MAST4: variants seen among roughly 807,000 people sequenced by gnomAD.
The protein encoded by MAST4 is microtubule-associated serine/threonine-protein kinase 4.
MAST4 carries 89 observed loss-of-function variants against 162.7 expected under a neutral mutation model. The observed-to-expected ratio is 0.55, with a 90% CI of 0.46 to 0.65. The LOEUF is 0.65. Ranked by LOEUF, MAST4 falls within the 30% of genes least tolerant of loss-of-function variation. The probability of loss-of-function intolerance (pLI) is 0.00; values close to 1 mark genes in which losing one functional copy is unlikely to be tolerated. For missense variants in MAST4, 3,153 were observed against 3,374.0 expected, an observed-to-expected ratio of 0.93 and a Z score of 1.62; for synonymous variants, 1,479 against 1,361.1, an observed-to-expected ratio of 1.09 and a Z score of -1.91.
At chr5:67,006,548 T>C (rs150961640) in intron 4 of MAST4, among the ~76,000 whole-genome samples, 18 of 152,322 alleles carry the variant, frequency 1.2e-4, no homozygotes, top group African/African-American at 4.3e-4. Flanking sequence ...TATTTCTGAG[T>C]TGTGTAGTCC....
chr5:66,700,335 TC>T (rs1749684888), intron 1 of MAST4, among the ~76,000 whole-genome samples: 1 of 152,246 alleles, frequency 6.6e-6, no homozygotes. Context: ...ATTTTTGTTC[TC>T]GCTCTTTTTT....
rs963972727 is a variant in MAST4 at position 66,650,109 on chromosome 5, C to A, written c.363+53091C>A. On this transcript the variant is annotated intron_variant, in intron 1 of 28. Transcript: ENST00000403625. ...TGAATAACACTGTCACCTAAGTCAG[C>A]CTATTCAATAAACATTTATTCTCAG... 2.0e-5 allele frequency among the ~76,000 whole-genome samples: 3 copies of A among 152,120 alleles called. No individual in the cohort carries two copies. In the South Asian group the frequency reaches 6.2e-4, roughly 31 times the overall value.
At position 67,164,868 on chromosome 5, in the gene MAST4, A is replaced by C; in HGVS notation, c.5689A>C (p.Lys1897Gln). 1.9e-6 allele frequency: 3 copies of C among 1,614,040 alleles called. No homozygotes were observed. Among genetic ancestry groups the C allele is most frequent in the African/African-American group, 1.3e-5 (1 of 75,058 alleles). The change falls in exon 29 of 29, where the codon AAG becomes CAG. Residue 1897 changes from lysine to glutamine, a missense_variant. This residue lies in a region of MAST4 where 1,644 missense variants were observed against 1,495.0 expected (regional missense o/e 1.10). Transcript: ENST00000403625. The surrounding 1 kb of genome is among the most constrained non-coding windows in gnomAD (Gnocchi z 5.3). ...AGTTTCCCTGCCTGACCCAGAGTTCAAGAGGGACAGGAAAGGTCCCCATCC... is the reference window on the plus strand; with the variant it reads ...AGTTTCCCTGCCTGACCCAGAGTTCCAGAGGGACAGGAAAGGTCCCCATCC... ...PAVSLPDPEF[K>Q]RDRKGPHPTA...
At chr5:67,031,856 C>A (rs1755372412) in intron 4 of MAST4, among the ~76,000 whole-genome samples, 1 of 152,088 alleles carries the variant, frequency 6.6e-6, no homozygotes, top group South Asian at 2.1e-4. Context: ...AGTTTTTATT[C>A]CACCTTCTTT....
At chr5:67,033,347 CTT>C (rs5868472) in intron 4 of MAST4, among the ~76,000 whole-genome samples, 20 of 112,142 alleles carry the variant, frequency 1.8e-4, no homozygotes, top group African/African-American at 6.4e-4. Flanking sequence ...GTGTGTGTGG[CTT>C]TTTTTTTTTC....
chr5:66,668,938 G>A (rs577546053), intron 1 of MAST4, among the ~76,000 whole-genome samples: 31 of 152,246 alleles, frequency 2.0e-4, no homozygotes, highest in South Asian at 4.2e-4. Context: ...GAGCTAGCGC[G>A]GGAGGAATCT....
chr5:67,139,316 G>A (rs891805730), intron 19 of MAST4, among the ~76,000 whole-genome samples: 3 of 152,248 alleles, frequency 2.0e-5, no homozygotes, highest in African/African-American at 7.2e-5. Context: ...GAGAGGCTGA[G>A]AAAAAGGGTG....
chr5:67,028,748 G>T (rs1754966363), intron 4 of MAST4, among the ~76,000 whole-genome samples: 1 of 152,124 alleles, frequency 6.6e-6, no homozygotes, highest in African/African-American at 2.4e-5. Flanking sequence ...GGATTCATTG[G>T]ACTGGAGCTT....
intron 4 of MAST4, among the ~76,000 whole-genome samples, chr5:66,980,979 AT>A (rs143660547): frequency 2.6e-5 from 4 of 151,574 alleles, no homozygotes; most frequent in Non-Finnish European, 4.4e-5. Flanking sequence ...TGATCAGGAC[AT>A]TTTTTTTTCT....
chr5:66,920,739 C>T (rs1764481260), intron 4 of MAST4, among the ~76,000 whole-genome samples: 1 of 152,152 alleles, frequency 6.6e-6, no homozygotes, highest in African/African-American at 2.4e-5. Context: ...GATCCGCCCA[C>T]CTCAGCCTCC....
chr5:66,848,109 T>C (rs1759020441), intron 3 of MAST4, among the ~76,000 whole-genome samples: 2 of 152,264 alleles, frequency 1.3e-5, no homozygotes, highest in East Asian at 1.9e-4. Flanking sequence ...TCCTACTCTT[T>C]TGGGGTTTTA....
intron 4 of MAST4, among the ~76,000 whole-genome samples, chr5:67,025,976 TTG>T (rs1754596116): frequency 6.6e-6 from 1 of 152,176 alleles, no homozygotes; most frequent in Non-Finnish European, 1.5e-5. Flanking sequence ...TGTATAAAGA[TTG>T]TGTACTGCAC....
intron 4 of MAST4, among the ~76,000 whole-genome samples, chr5:66,970,286 G>A (rs1359824074): frequency 2.0e-5 from 3 of 152,198 alleles, no homozygotes; most frequent in Admixed American, 6.5e-5. Context: ...AGGACAGGGT[G>A]GGGTAGGAGA....
At chr5:67,034,663 C>G (rs747923005) in intron 4 of MAST4, among the ~76,000 whole-genome samples, 12 of 152,176 alleles carry the variant, frequency 7.9e-5, no homozygotes, top group Non-Finnish European at 1.2e-4. Flanking sequence ...TGTAAGTTTT[C>G]TGCAAATTGG....
chr5:66,596,600 G>T lies in MAST4; in HGVS notation c.-56G>T, dbSNP rs965736644. 4.5e-5 allele frequency: 62 copies of T among 1,379,000 alleles called. No individual in the cohort carries two copies. Among genetic ancestry groups the T allele is most frequent in the Non-Finnish European group, 4.9e-5 (52 of 1,070,158 alleles). 85.4% of individuals were successfully genotyped at this position (1,379,000 alleles called of 1,614,324 possible). A position where few individuals can be genotyped will look rare whatever the true frequency, so the allele number is the denominator to read the frequency against. ...GGAGCCCGCGTCTTCCCCGGGAGGCGCTGAGTGCGCGCCGCGCCCCCGCCG... is the reference window on the plus strand; with the variant it reads ...GGAGCCCGCGTCTTCCCCGGGAGGCTCTGAGTGCGCGCCGCGCCCCCGCCG... On this transcript the variant is annotated 5_prime_UTR_variant, in exon 1 of 29. Coordinates refer to ENST00000403625, the MANE Select transcript of MAST4 (RefSeq NM_001164664.2).
chr5:67,160,460 G>A lies in MAST4; in HGVS notation c.3653G>A (p.Gly1218Glu), dbSNP rs1773059702. Reference sequence around the variant, plus strand: ...GCCACCTCATCTTTTCTTTAGAGTGGGAATAAGGTGTCAATCACTACTACC... The same window carrying A: ...GCCACCTCATCTTTTCTTTAGAGTGAGAATAAGGTGTCAATCACTACTACC... ...TEVIELLLKS[G>E]NKVSITTTPF... The change falls in exon 27 of 29, where the codon GGG (glycine) becomes GAG (glutamate). Residue 1218 changes from glycine (G) to glutamate (E), a missense_variant. Gly to Glu is a moderately conservative substitution (Grantham distance 98). Transcript: ENST00000403625. 6.2e-7 allele frequency: 1 copy of A among 1,607,666 alleles called. No homozygotes were observed. The highest frequency in any genetic ancestry group is 1.3e-5 in the African/African-American group (1 of 74,660).
chr5:67,074,114 A>T (rs1308979999), intron 5 of MAST4, among the ~76,000 whole-genome samples: 4 of 150,972 alleles, frequency 2.6e-5, no homozygotes, highest in African/African-American at 9.9e-5. Context: ...TAATGAACGT[A>T]TGAAAATACT....
intron 4 of MAST4, among the ~76,000 whole-genome samples, chr5:67,051,169 T>C (rs1758135324): frequency 6.8e-6 from 1 of 146,096 alleles, no homozygotes; most frequent in African/African-American, 2.6e-5. Flanking sequence ...TGTTTTTCCC[T>C]TGGGTGACTT....
rs559107232 is a variant in MAST4, at chr5:66,922,769, GA to G, written c.674+22795del. Among the ~76,000 whole-genome samples the G allele has an allele frequency of 2.2e-4, 33 of 151,962 alleles. 1 individual carries two copies. In the East Asian group the frequency reaches 3.7e-3, roughly 17 times the overall value. ...TATAATTGCAGTTGAATTCAGTAGT[GA>G]AAAAAAAGTCAAAGGATTTCTACTT... is the stretch of plus-strand genomic sequence containing the variant. On this transcript the variant is annotated intron_variant, in intron 4 of 28. Coordinates refer to ENST00000403625, the MANE Select transcript of MAST4 (RefSeq NM_001164664.2).
Sources: allele counts gnomAD v4.1 joint callset (sites outside exome capture counted in the v4.1 genomes callset), GRCh38; gene constraint gnomAD v4.1.1; regional missense constraint gnomAD v4.1.1; non-coding constraint Gnocchi (gnomAD v3.1); transcripts MANE v1.5; gene names NCBI Gene and HGNC (gene_info 2026-07-23, HGNC 2026-07-21).